The following CGREF1 variants were observed in gnomAD, a reference collection of about 807,000 sequenced individuals.
CGREF1 encodes cell growth regulator with EF hand domain protein 1.
A neutral mutation model predicts 17.4 loss-of-function variants in CGREF1; 16 were observed. The ratio of observed to expected loss-of-function variants is 0.92; its 90% CI spans 0.62 to 1.40. CGREF1 has a LOEUF of 1.40. Ranked by LOEUF, CGREF1 falls within the 40% of genes most tolerant of loss-of-function variation. The pLI is 0.00. For synonymous variants in CGREF1, 142 were observed against 154.6 expected, an observed-to-expected ratio of 0.92 and a Z score of 0.61; for missense variants, 296 against 376.4, an observed-to-expected ratio of 0.79 and a Z score of 1.77.
intron 1 of CGREF1, among the ~76,000 whole-genome samples, chr2:27,116,871 T>TTCTCCCTCTCTCTCTC (rs1671586605): frequency 3.0e-5 from 1 of 33,680 alleles, no homozygotes; most frequent in Non-Finnish European, 5.9e-5. Flanking sequence ...GCCAGGCCTA[T>TTCTCCCTCTCTCTCTC]TCTCTCTCTC....
chr2:27,104,230 T>G, intron 2 of CGREF1, 57 bp downstream of exon 2: 3 of 1,503,408 alleles, frequency 2.0e-6, no homozygotes, highest in Non-Finnish European at 1.8e-6. Flanking sequence ...CACCCTTGGA[T>G]TCTCTAGAGA....
intron 4 of CGREF1, 63 bp from the exon 5 acceptor site, chr2:27,102,284 T>G (rs1572890731): frequency 6.2e-7 from 1 of 1,612,396 alleles, no homozygotes; most frequent in Non-Finnish European, 8.5e-7. Context: ...CAGGAGTCAA[T>G]GGGGCAGCCG....
chr2:27,111,955 A>G (rs1297310066), intron 1 of CGREF1, among the ~76,000 whole-genome samples: 1 of 152,236 alleles, frequency 6.6e-6, no homozygotes, highest in African/African-American at 2.4e-5. Context: ...AAGCGCGGCC[A>G]GAGTGGGCGC....
At chr2:27,114,734 C>G (rs752867115) in intron 1 of CGREF1, among the ~76,000 whole-genome samples, 10 of 152,118 alleles carry the variant, frequency 6.6e-5, no homozygotes, top group Non-Finnish European at 1.5e-4. Context: ...GCCTGAGAAG[C>G]CTCCAGCTCA....
chr2:27,118,609 C>G (rs1012621311), intron 1 of CGREF1, among the ~76,000 whole-genome samples: 1 of 152,218 alleles, frequency 6.6e-6, no homozygotes, highest in East Asian at 1.9e-4. Flanking sequence ...AACTGCGAAG[C>G]CCCAAATTCA....
At chr2:27,118,287 A>G (rs967623814) in intron 1 of CGREF1, among the ~76,000 whole-genome samples, 1 of 152,126 alleles carries the variant, frequency 6.6e-6, no homozygotes, top group Non-Finnish European at 1.5e-5. Context: ...CGGCAGTTCC[A>G]TCTCCTGTAG....
intron 1 of CGREF1, among the ~76,000 whole-genome samples, chr2:27,105,475 G>A (rs961657838): frequency 1.3e-5 from 2 of 152,190 alleles, no homozygotes; most frequent in African/African-American, 4.8e-5. Context: ...GCTACCTTAA[G>A]GGAAAACTAG....
In CGREF1 at chr2:27,100,624, A is replaced by AT; in HGVS notation, c.*649dup. The AT allele has an allele frequency of 1.7e-6, 2 of 1,177,120 alleles. No individual in the cohort carries two copies. The highest frequency in any genetic ancestry group is 1.3e-5 in the South Asian group (1 of 75,276). The allele number at this position is 1,177,120 out of a possible 1,614,324, so 72.9% of individuals were successfully genotyped here. ...TAAAATCTGCCATTTAATTAGCTGC[A>AT]TATCACCTTAGGGTACAGCACTTAA... On this transcript the variant is annotated 3_prime_UTR_variant, in exon 6 of 6. Coordinates refer to ENST00000402394, the MANE Select transcript of CGREF1 (RefSeq NM_006569.6).
At position 27,101,340 on chromosome 2, in the gene CGREF1, C is replaced by T. The variant is rs768806503; in HGVS notation, c.891G>A (p.Leu297=). 12 of 1,609,058 alleles carry T rather than the reference C, an allele frequency of 7.5e-6. No individual in the cohort carries two copies. The South Asian group carries it at 1.3e-4, about 18-fold the overall frequency. ...AGTCATTTTGGGTGTTCTTAGACTC[C>T]AGTGTTTCCCCTGGAAGTTCCTTGG... ...EEAKELPGET[L]ESKNTQNDFE... Residue 297 remains leucine (L), a synonymous_variant, in exon 6 of 6, where the codon CTG becomes CTA. Coordinates refer to ENST00000402394, the MANE Select transcript of CGREF1 (RefSeq NM_006569.6).
At position 27,100,869 on chromosome 2, in the gene CGREF1, C is replaced by G. The variant is rs1275873304; in HGVS notation, c.*405G>C. 1 of 1,088,268 alleles carries G rather than the reference C, an allele frequency of 9.2e-7. No individual in the cohort carries two copies. 67.4% of individuals were successfully genotyped at this position (1,088,268 alleles called of 1,614,324 possible). ...TGTCTGAACACCAGGTGAGGGGGAA[C>G]CGGTGAGGGTTTGGGGCCCAGGGAT... On this transcript the variant is annotated 3_prime_UTR_variant, in exon 6 of 6. Transcript: ENST00000402394.
At chr2:27,111,969 G>A (rs565843407) in intron 1 of CGREF1, among the ~76,000 whole-genome samples, 4 of 152,354 alleles carry the variant, frequency 2.6e-5, no homozygotes, top group African/African-American at 7.2e-5. Flanking sequence ...TGGGCGCCAA[G>A]GCCGAGGAGG....
chr2:27,102,705 C>A, intron 2 of CGREF1, 114 bp from the exon 3 acceptor site: 1 of 1,211,676 alleles, frequency 8.3e-7, no homozygotes. Context: ...AAGGGAGTTG[C>A]CCCCAAAATT....
chr2:27,101,774 CGGGCTCCACGTGCCTGA>C lies in CGREF1; in HGVS notation c.440_456del (p.Leu147ArgfsTer22), dbSNP rs1558457665. The C allele has an allele frequency of 1.2e-6, 2 of 1,614,248 alleles. No homozygotes were observed. Among genetic ancestry groups the C allele is most frequent in the Non-Finnish European group, 1.7e-6 (2 of 1,180,052 alleles). On this transcript the variant is annotated frameshift_variant, in exon 6 of 6. Coordinates refer to ENST00000402394, the MANE Select transcript of CGREF1 (RefSeq NM_006569.6). LOFTEE classifies it low-confidence loss of function (END_TRUNC). ...TGAGGAGATGGAGCAAGGGGCTCTC[CGGGCTCCACGTGCCTGA>C]GGGCTACTCCCGGGAAGTTGATGAG...
At chr2:27,118,345 A>C (rs991186749) in intron 1 of CGREF1, among the ~76,000 whole-genome samples, 4 of 152,072 alleles carry the variant, frequency 2.6e-5, no homozygotes, top group Non-Finnish European at 5.9e-5. Context: ...CCTCTCCCTT[A>C]ATTCTTAATT....
Position 27,119,000 on chromosome 2 carries a change from G to T in CGREF1, c.-166C>A, listed in dbSNP as rs895496293. The T allele has an allele frequency of 1.3e-5, 2 of 152,020 alleles. No homozygotes were observed. The highest frequency in any genetic ancestry group is 1.8e-4 in the South Asian group (1 of 5,454). The allele number at this position is 152,020 out of a possible 1,614,324, so 9.4% of individuals were successfully genotyped here. The stretch of plus-strand genomic sequence containing the variant: ...CCGGCTGGAGCCGCCGCCCTGGCCG[G>T]GCAGAGTCCGGAGCCAGTGCCAGCC... On this transcript the variant is annotated 5_prime_UTR_variant, in exon 1 of 6. Coordinates refer to ENST00000402394, the MANE Select transcript of CGREF1 (RefSeq NM_006569.6).
rs566126195 is a variant in CGREF1 at position 27,101,055 on chromosome 2, G to T, written c.*219C>A. Reference sequence around the variant, plus strand: ...CTGAGAGGGTCTGGGCAGGCTGGACGGGTAGAGAGGTGGCCGGGGGGATGA... The same window carrying T: ...CTGAGAGGGTCTGGGCAGGCTGGACTGGTAGAGAGGTGGCCGGGGGGATGA... On this transcript the variant is annotated 3_prime_UTR_variant, in exon 6 of 6. Transcript: ENST00000402394. The T allele has an allele frequency of 5.3e-6, 7 of 1,317,934 alleles. No homozygotes were observed. The highest frequency in any genetic ancestry group is 7.7e-5 in the Admixed American group (2 of 25,910). 81.6% of individuals were successfully genotyped at this position (1,317,934 alleles called of 1,614,324 possible).
downstream of CGREF1, chr2:27,100,084 G>A (rs572596961): frequency 1.7e-6 from 1 of 599,344 alleles, no homozygotes; most frequent in Admixed American, 2.9e-5. Context: ...AGGCCCAGAG[G>A]AGGGGCTGCC....
At position 27,102,563 on chromosome 2, in the gene CGREF1, G is replaced by T. The variant is rs1240359868; in HGVS notation, c.109C>A (p.Leu37Met). 1 of 1,613,658 alleles carries T rather than the reference G, an allele frequency of 6.2e-7. No individual in the cohort carries two copies. Among genetic ancestry groups the T allele is most frequent in the Admixed American group, 1.7e-5 (1 of 60,024 alleles). ...RPDSEVQHQL[L>M]PNPFQPGQEQ... ...TGGCCTGGCTGGAAGGGGTTGGGCAGGAGCTGATGCTGCACTTCAGAGTCT... is the reference window on the plus strand; with the variant it reads ...TGGCCTGGCTGGAAGGGGTTGGGCATGAGCTGATGCTGCACTTCAGAGTCT... The change falls in exon 3 of 6, where the codon CTG (leucine) becomes ATG (methionine). Residue 37 changes from leucine to methionine, a missense_variant. By Grantham distance (15) the Leu-to-Met change is conservative (BLOSUM62 2). Coordinates refer to ENST00000402394, the MANE Select transcript of CGREF1 (RefSeq NM_006569.6).
intron 1 of CGREF1, among the ~76,000 whole-genome samples, chr2:27,106,711 G>C (rs779601977): frequency 1.2e-4 from 19 of 152,114 alleles, no homozygotes; most frequent in Non-Finnish European, 1.9e-4. Flanking sequence ...CCACCTCCCG[G>C]GCTCAAGCGA....
Sources: gnomAD v4.1 joint callset for allele counts (sites outside exome capture counted in the v4.1 genomes callset) on GRCh38, gnomAD v4.1.1 for gene constraint, MANE v1.5 for transcripts, NCBI Gene and HGNC (gene_info 2026-07-23, HGNC 2026-07-21) for gene names.